The following PLEKHB2 variants were observed in gnomAD, a reference collection of about 807,000 sequenced individuals.
PLEKHB2 encodes the protein pleckstrin homology domain containing B2, also known as pleckstrin homology domain-containing family B member 2.
A neutral mutation model predicts 36.5 loss-of-function variants in PLEKHB2; 31 were observed. That is an observed-to-expected ratio of 0.85 (90% CI 0.64 to 1.15). The LOEUF is 1.15. Among genes scored for constraint, PLEKHB2 ranks in the 50% most tolerant of loss-of-function variants. The pLI is 0.00. For synonymous variants in PLEKHB2, 119 were observed against 112.0 expected (o/e 1.06, Z -0.39); for missense variants, 262 against 295.3 (o/e 0.89, Z 0.83).
chr2:131,136,732 C>CTTTGT (rs575426591), intron 6 of PLEKHB2, among the ~76,000 whole-genome samples: 1 of 151,262 alleles, frequency 6.6e-6, no homozygotes, highest in Non-Finnish European at 1.5e-5. Flanking sequence ...TTTTTTTGTA[C>CTTTGT]TTTGTTTTGT....
chr2:131,116,817 C>T (rs1695927801), intron 1 of PLEKHB2, among the ~76,000 whole-genome samples: 1 of 152,164 alleles, frequency 6.6e-6, no homozygotes, highest in Non-Finnish European at 1.5e-5. Context: ...TAAGGTTTTA[C>T]CTAAAAGTCT....
chr2:131,138,355 T>A (rs2104947970), intron 6 of PLEKHB2, among the ~76,000 whole-genome samples: 1 of 152,326 alleles, frequency 6.6e-6, no homozygotes, highest in South Asian at 2.1e-4. Context: ...GATAGCTGCT[T>A]TAAAAATCTT....
rs1699477314 is a variant in PLEKHB2, at chr2:131,148,807, T to A, written c.*2034T>A. 6.6e-6 allele frequency: 1 copy of A among 152,222 alleles called. No homozygotes were observed. The highest frequency in any genetic ancestry group is 1.5e-5 in the Non-Finnish European group (1 of 68,038). 9.4% of individuals were successfully genotyped at this position (152,222 alleles called of 1,614,324 possible). On this transcript the variant is annotated 3_prime_UTR_variant, in exon 8 of 8. Coordinates refer to ENST00000693505, the MANE Select transcript of PLEKHB2 (RefSeq NM_001100623.2). ...GTTTAAAATGTTGCTTTGAGGATTT[T>A]CCATCCTGTATAAGAAGAATGGCTT...
At chr2:131,117,387 A>T (rs1158504619) in intron 1 of PLEKHB2, among the ~76,000 whole-genome samples, 1 of 152,178 alleles carries the variant, frequency 6.6e-6, no homozygotes, top group Non-Finnish European at 1.5e-5. Flanking sequence ...AGATCATTGC[A>T]CTCCAGCCTG....
At chr2:131,113,846 T>G (rs1423051056) in intron 1 of PLEKHB2, among the ~76,000 whole-genome samples, 2 of 152,188 alleles carry the variant, frequency 1.3e-5, no homozygotes, top group Non-Finnish European at 2.9e-5. Flanking sequence ...GGTCCCTGTC[T>G]GCTTGGGTAG....
chr2:131,112,084 AC>A (rs1345185017), intron 1 of PLEKHB2, among the ~76,000 whole-genome samples: 1 of 152,112 alleles, frequency 6.6e-6, no homozygotes, highest in East Asian at 1.9e-4. Flanking sequence ...CATCTGAAAC[AC>A]CTATGCGACT....
At chr2:131,146,527 G>T in intron 7 of PLEKHB2, 110 bp from the exon 8 acceptor site, 3 of 1,164,606 alleles carry the variant, frequency 2.6e-6, no homozygotes, top group South Asian at 3.2e-5. Context: ...TGGGTCGCCA[G>T]TGTGACAGGA....
intron 4 of PLEKHB2, 49 bp downstream of exon 4, chr2:131,126,835 T>A: frequency 9.3e-7 from 1 of 1,078,162 alleles, no homozygotes; most frequent in Non-Finnish European, 1.4e-6. Context: ...TTTTCTATTT[T>A]AACTTCTGAT....
intron 4 of PLEKHB2, among the ~76,000 whole-genome samples, chr2:131,129,655 C>T (rs925377785): frequency 1.3e-5 from 1 of 77,490 alleles, no homozygotes; most frequent in Non-Finnish European, 3.6e-5. Flanking sequence ...CAGGCATGTG[C>T]CACCACGCCC....
chr2:131,111,689 C>G (rs2104779317), intron 1 of PLEKHB2, among the ~76,000 whole-genome samples: 1 of 152,024 alleles, frequency 6.6e-6, no homozygotes, highest in African/African-American at 2.4e-5. Flanking sequence ...CGGGGTTTCA[C>G]CATGTTGGCC....
In PLEKHB2 at chr2:131,115,341, C is replaced by CTTTTT. The variant is rs1179533654; in HGVS notation, c.-8-5566_-8-5562dup. On this transcript the variant is annotated intron_variant, in intron 1 of 7. Coordinates refer to ENST00000693505, the MANE Select transcript of PLEKHB2 (RefSeq NM_001100623.2). ...GCCAAACCATTATCAGAAAGTATGT[C>CTTTTT]TTTTTTTTTTTTTTTTTTTTTTTTT... is the stretch of plus-strand genomic sequence containing the variant. Among the ~76,000 whole-genome samples the CTTTTT allele has an allele frequency of 1.1e-3, 74 of 64,572 alleles. 5 individuals carry two copies. Among genetic ancestry groups the CTTTTT allele is most frequent in the Non-Finnish European group, 1.4e-3 (47 of 33,866 alleles). The allele number at this position is 64,572 out of a possible 152,430, so 42.4% of individuals were successfully genotyped here.
chr2:131,126,600 C>G, intron 3 of PLEKHB2, 84 bp from the exon 4 acceptor site: 1 of 785,862 alleles, frequency 1.3e-6, no homozygotes, highest in Non-Finnish European at 2.3e-6. Context: ...TTGTCTAGTC[C>G]TTTGCTTCTC....
chr2:131,148,728 A>T lies in PLEKHB2; in HGVS notation c.*1955A>T, dbSNP rs1167151014. 1.3e-5 allele frequency: 2 copies of T among 152,138 alleles called. No homozygotes were observed. Among genetic ancestry groups the T allele is most frequent in the Non-Finnish European group, 1.5e-5 (1 of 68,038 alleles). 9.4% of individuals were successfully genotyped at this position (152,138 alleles called of 1,614,324 possible). ...GGAGTGTCTGTTTCCACATGGAAGG[A>T]TGTCTGTTTATCTCTCATCTCTGAA... On this transcript the variant is annotated 3_prime_UTR_variant, in exon 8 of 8. Coordinates refer to ENST00000693505, the MANE Select transcript of PLEKHB2 (RefSeq NM_001100623.2).
In PLEKHB2 at chr2:131,114,255, A is replaced by T. The variant is rs559410142; in HGVS notation, c.-8-6679A>T. Reference sequence around the variant, plus strand: ...ATTCTCCTGCCTCAGCCTCCCGAGTAGCTGGGACTACAGGCGCCCGCCCCC... The same window carrying T: ...ATTCTCCTGCCTCAGCCTCCCGAGTTGCTGGGACTACAGGCGCCCGCCCCC... On this transcript the variant is annotated intron_variant, in intron 1 of 7. Transcript: ENST00000693505. Among the ~76,000 whole-genome samples, 37 of 152,218 alleles carry T rather than the reference A, an allele frequency of 2.4e-4. No individual in the cohort carries two copies. In the South Asian group the frequency reaches 7.5e-3, roughly 31 times the overall value.
chr2:131,115,341 C>CT (rs1179533654), intron 1 of PLEKHB2, among the ~76,000 whole-genome samples: 3,451 of 64,570 alleles, frequency 0.053, 893 homozygotes, highest in Non-Finnish European at 0.072. Flanking sequence ...GAAAGTATGT[C>CT]TTTTTTTTTT....
intron 1 of PLEKHB2, among the ~76,000 whole-genome samples, chr2:131,110,634 A>G (rs899065805): frequency 5.3e-5 from 8 of 152,104 alleles, no homozygotes; most frequent in Admixed American, 4.6e-4. Flanking sequence ...TGGCTTCCCA[A>G]AGTGTTGGGA....
At chr2:131,110,900 T>C (rs539289816) in intron 1 of PLEKHB2, among the ~76,000 whole-genome samples, 1 of 152,346 alleles carries the variant, frequency 6.6e-6, no homozygotes, top group East Asian at 1.9e-4. Context: ...GGACAGTCAT[T>C]GGATCTTTTG....
intron 3 of PLEKHB2, 34 bp from the exon 4 acceptor site, chr2:131,126,650 A>G (rs1697132886): frequency 3.1e-6 from 4 of 1,275,126 alleles, no homozygotes; most frequent in Non-Finnish European, 3.4e-6. Flanking sequence ...AGAAATCCTG[A>G]AAAAAGTTCC....
chr2:131,125,907 T>A lies in PLEKHB2; in HGVS notation c.190+2T>A, dbSNP rs1573573802. 1 of 1,611,846 alleles carries A rather than the reference T, an allele frequency of 6.2e-7. No individual in the cohort carries two copies. The highest frequency in any genetic ancestry group is 1.3e-5 in the African/African-American group (1 of 74,910). ...TCCGCACGGGGCAGGAATGTCGGGG[T>A]AAGCTGGCCTGTCTTGGCCAACTTC... On this transcript the variant is annotated splice_donor_variant, in intron 3 of 7. Transcript: ENST00000693505. LOFTEE classifies it high-confidence loss of function.
Sources: gnomAD v4.1 joint callset for allele counts (sites outside exome capture counted in the v4.1 genomes callset) on GRCh38, gnomAD v4.1.1 for gene constraint, MANE v1.5 for transcripts, NCBI Gene and HGNC (gene_info 2026-07-23, HGNC 2026-07-21) for gene names.